The following STAG1 variants were observed in gnomAD, a reference collection of about 807,000 sequenced individuals.
STAG1 encodes STAG1 cohesin complex component.
STAG1 carries 26 observed loss-of-function variants against 170.9 expected under a neutral mutation model. The ratio of observed to expected loss-of-function variants is 0.15; its 90% confidence interval spans 0.11 to 0.21. The LOEUF (loss-of-function observed/expected upper bound fraction) is 0.21, where lower values mean the gene tolerates loss of function less well. Among genes scored for constraint, STAG1 ranks in the 10% least tolerant of loss-of-function variants. The pLI is 1.00. For missense variants in STAG1, 964 were observed against 1,509.5 expected, an observed-to-expected ratio of 0.64 and a Z score of 5.99; for synonymous variants, 514 against 497.7, an observed-to-expected ratio of 1.03 and a Z score of -0.44.
At chr3:136,652,437 A>C (rs1248696784) in intron 1 of STAG1, among the ~76,000 whole-genome samples, 1 of 152,246 alleles carries the variant, frequency 6.6e-6, no homozygotes, top group Non-Finnish European at 1.5e-5. Flanking sequence ...ACATCCTCCT[A>C]TATTGTTTGG....
At chr3:136,359,765 T>G (rs1345373444) in intron 26 of STAG1, among the ~76,000 whole-genome samples, 1 of 152,158 alleles carries the variant, frequency 6.6e-6, no homozygotes, top group Non-Finnish European at 1.5e-5. Context: ...TGCCCTGGGC[T>G]CCCAAAATGC....
chr3:136,751,650 G>C (rs1047515978), intron 1 of STAG1, among the ~76,000 whole-genome samples: 2 of 151,942 alleles, frequency 1.3e-5, no homozygotes. Context: ...CCCGCCGAGC[G>C]ACCCCCCAGG....
intron 24 of STAG1, among the ~76,000 whole-genome samples, chr3:136,368,640 CAT>C (rs952242849): frequency 6.6e-6 from 1 of 152,060 alleles, no homozygotes; most frequent in African/African-American, 2.4e-5. Flanking sequence ...GGAAACTAGC[CAT>C]ATGTCAATCT....
At chr3:136,362,624 A>G (rs1441224267) in intron 26 of STAG1, among the ~76,000 whole-genome samples, 3 of 149,120 alleles carry the variant, frequency 2.0e-5, no homozygotes, top group East Asian at 3.9e-4. Flanking sequence ...AAAAAAAAAG[A>G]AAAAAAAAGA....
chr3:136,398,011 A>T (rs1244395154), intron 22 of STAG1, among the ~76,000 whole-genome samples: 2 of 151,948 alleles, frequency 1.3e-5, no homozygotes, highest in Non-Finnish European at 2.9e-5. Context: ...CAATGGCGCG[A>T]TCTTGGCTCA....
At chr3:136,370,505 C>T (rs1560064988) in intron 23 of STAG1, among the ~76,000 whole-genome samples, 1 of 152,164 alleles carries the variant, frequency 6.6e-6, no homozygotes, top group Non-Finnish European at 1.5e-5. Flanking sequence ...TGCTATCCCT[C>T]ACCACTCCCC....
At chr3:136,690,242 T>G (rs1942677996) in intron 1 of STAG1, among the ~76,000 whole-genome samples, 1 of 152,082 alleles carries the variant, frequency 6.6e-6, no homozygotes, top group East Asian at 1.9e-4. Flanking sequence ...TTTTGGCTTT[T>G]TTTGTTTGTT....
At chr3:136,494,869 C>T (rs887113965) in intron 9 of STAG1, among the ~76,000 whole-genome samples, 1 of 152,084 alleles carries the variant, frequency 6.6e-6, no homozygotes, top group Non-Finnish European at 1.5e-5. Context: ...GGAATAAATT[C>T]TATATTGTTA....
intron 7 of STAG1, among the ~76,000 whole-genome samples, chr3:136,510,880 C>T (rs969841342): frequency 3.3e-5 from 5 of 152,006 alleles, no homozygotes; most frequent in African/African-American, 9.7e-5. Flanking sequence ...CAGGTTCAAG[C>T]GATTCTTCTG....
chr3:136,728,177 A>C (rs567197280), intron 1 of STAG1, among the ~76,000 whole-genome samples: 1 of 152,242 alleles, frequency 6.6e-6, no homozygotes, highest in South Asian at 2.1e-4. Flanking sequence ...AATCAAAAAC[A>C]AAAAAACACC....
intron 22 of STAG1, among the ~76,000 whole-genome samples, chr3:136,391,380 T>C (rs1295470892): frequency 5.4e-5 from 8 of 148,268 alleles, no homozygotes; most frequent in Admixed American, 2.0e-4. Flanking sequence ...TTTTTTTTTT[T>C]TTTTTTTCTT....
intron 7 of STAG1, among the ~76,000 whole-genome samples, chr3:136,506,476 C>CAAAA (rs11414654): frequency 2.9e-4 from 25 of 85,326 alleles, no homozygotes; most frequent in Non-Finnish European, 4.8e-4. Flanking sequence ...ACTAAAAATA[C>CAAAA]AAAAAAAAAA....
At chr3:136,386,818 A>G (rs1455425985) in intron 22 of STAG1, among the ~76,000 whole-genome samples, 1 of 152,170 alleles carries the variant, frequency 6.6e-6, no homozygotes, top group Non-Finnish European at 1.5e-5. Context: ...TAACTATGAA[A>G]TACGGTTAAC....
Position 136,518,338 on chromosome 3 carries a change from G to GTAAC in STAG1, c.676+2871_676+2874dup, listed in dbSNP as rs567596810. ...AATCATATCTGGCCATAACTGCCTT[G>GTAAC]TAACTGTCCATGCACATAGTCTTTG... On this transcript the variant is annotated intron_variant, in intron 7 of 33. Coordinates refer to ENST00000383202, the MANE Select transcript of STAG1 (RefSeq NM_005862.3). 1.8e-3 allele frequency: 1,234 copies of GTAAC among 693,818 alleles called. 3 individuals carry two copies. The highest frequency in any genetic ancestry group is 2.9e-3 in the Non-Finnish European group (1,110 of 380,876). 43.0% of individuals were successfully genotyped at this position (693,818 alleles called of 1,614,324 possible).
chr3:136,551,228 A>T (rs1444387831), intron 5 of STAG1, among the ~76,000 whole-genome samples: 11 of 139,532 alleles, frequency 7.9e-5, no homozygotes, highest in South Asian at 2.3e-4. Context: ...AGAGAGAGAG[A>T]GAGAGAGAGA....
chr3:136,601,197 A>G (rs982833256), intron 4 of STAG1, among the ~76,000 whole-genome samples: 9 of 152,192 alleles, frequency 5.9e-5, no homozygotes, highest in Non-Finnish European at 1.3e-4. Context: ...AAAACTGGAA[A>G]CAGTTCAAAT....
At chr3:136,702,070 G>A (rs1337267477) in intron 1 of STAG1, among the ~76,000 whole-genome samples, 1 of 118,096 alleles carries the variant, frequency 8.5e-6, no homozygotes, top group South Asian at 2.8e-4. Context: ...GCACCACCAT[G>A]CCGAAAGAGA....
intron 1 of STAG1, among the ~76,000 whole-genome samples, chr3:136,639,443 T>C (rs901455782): frequency 2.0e-5 from 3 of 152,222 alleles, no homozygotes; most frequent in Non-Finnish European, 4.4e-5. Flanking sequence ...AATTACATGC[T>C]TTTAAATATT....
chr3:136,338,701 AT>A (rs1935812194), intron 32 of STAG1, among the ~76,000 whole-genome samples: 1 of 152,244 alleles, frequency 6.6e-6, no homozygotes, highest in African/African-American at 2.4e-5. Context: ...CAACATGTTA[AT>A]ACATATAAAT....
Sources: allele counts gnomAD v4.1 joint callset (sites outside exome capture counted in the v4.1 genomes callset), GRCh38; gene constraint gnomAD v4.1.1; transcripts MANE v1.5; gene names NCBI Gene and HGNC (gene_info 2026-07-23, HGNC 2026-07-21).